The following CPNE8 variants were observed in gnomAD, a reference collection of about 807,000 sequenced individuals.
CPNE8 encodes the protein copine 8.
CPNE8 carries 45 observed loss-of-function variants against 81.5 expected under a neutral mutation model. The ratio of observed to expected loss-of-function variants is 0.55; its 90% CI spans 0.44 to 0.71. The LOEUF is 0.71. CPNE8 is among the 30% of genes least tolerant of loss of function. The probability of loss-of-function intolerance (pLI) is 0.00; values close to 1 mark genes in which losing one functional copy is unlikely to be tolerated. For missense variants in CPNE8, 594 were observed against 672.1 expected, an observed-to-expected ratio of 0.88 and a Z score of 1.28; for synonymous variants, 252 against 226.3, an observed-to-expected ratio of 1.11 and a Z score of -1.02.
At chr12:38,872,297 C>A (rs1944005466) in intron 3 of CPNE8, among the ~76,000 whole-genome samples, 1 of 152,126 alleles carries the variant, frequency 6.6e-6, no homozygotes, top group Non-Finnish European at 1.5e-5. Flanking sequence ...AAAATTGAGA[C>A]ACAGTGGTAA....
At chr12:38,786,933 C>A (rs930377639) in intron 6 of CPNE8, among the ~76,000 whole-genome samples, 1 of 152,132 alleles carries the variant, frequency 6.6e-6, no homozygotes, top group East Asian at 1.9e-4. Flanking sequence ...ATGCGCCCAA[C>A]ACTGAAGCAT....
chr12:38,681,659 C>T, intron 16 of CPNE8, among the ~76,000 whole-genome samples: 1 of 152,028 alleles, frequency 6.6e-6, no homozygotes, highest in Non-Finnish European at 1.5e-5. Context: ...AACTGGTTTC[C>T]CAGAAAAAAA....
intron 6 of CPNE8, among the ~76,000 whole-genome samples, chr12:38,806,173 C>G (rs922236051): frequency 2.7e-5 from 4 of 150,132 alleles, no homozygotes; most frequent in Non-Finnish European, 4.5e-5. Flanking sequence ...CTACCAGAGG[C>G]ATGAGGAGGA....
chr12:38,833,479 CT>C (rs543470951), intron 5 of CPNE8, among the ~76,000 whole-genome samples: 16 of 130,674 alleles, frequency 1.2e-4, no homozygotes, highest in African/African-American at 1.7e-4. Flanking sequence ...TGAAATTAAC[CT>C]TTTTTTTTTT....
At chr12:38,856,037 A>AT (rs1361105738) in intron 3 of CPNE8, among the ~76,000 whole-genome samples, 1 of 152,050 alleles carries the variant, frequency 6.6e-6, no homozygotes, top group Non-Finnish European at 1.5e-5. Flanking sequence ...TGGTACAGGA[A>AT]TAAAAATGAT....
chr12:38,678,660 A>C (rs553886382), intron 16 of CPNE8, among the ~76,000 whole-genome samples: 1 of 151,988 alleles, frequency 6.6e-6, no homozygotes, highest in Non-Finnish European at 1.5e-5. Context: ...TGAGTAGCAG[A>C]ATTTAAAAAC....
intron 1 of CPNE8, among the ~76,000 whole-genome samples, chr12:38,902,570 T>C (rs1435603967): frequency 6.6e-6 from 1 of 152,314 alleles, no homozygotes; most frequent in East Asian, 1.9e-4. Context: ...TGCCTGCCCA[T>C]AGCAAGGCTC....
chr12:38,758,267 T>C (rs1382512935), intron 10 of CPNE8, among the ~76,000 whole-genome samples: 2 of 152,074 alleles, frequency 1.3e-5, no homozygotes, highest in African/African-American at 4.8e-5. Context: ...TCTTTCAGAG[T>C]CTGTAATACT....
intron 3 of CPNE8, among the ~76,000 whole-genome samples, chr12:38,856,986 T>C (rs571781537): frequency 6.6e-6 from 1 of 152,182 alleles, no homozygotes; most frequent in East Asian, 1.9e-4. Context: ...ATATACAGCC[T>C]ATATATATTT....
At chr12:38,760,537 A>C (rs558321350) in intron 10 of CPNE8, among the ~76,000 whole-genome samples, 1 of 151,172 alleles carries the variant, frequency 6.6e-6, no homozygotes, top group South Asian at 2.1e-4. Flanking sequence ...ATGTCATAAA[A>C]ATGTTCAGAG....
upstream of CPNE8, chr12:38,906,168 C>A: frequency 5.1e-6 from 5 of 985,752 alleles, no homozygotes; most frequent in Non-Finnish European, 6.0e-6. Flanking sequence ...TTGGGAGATC[C>A]CTCCGTCCCT....
chr12:38,770,944 T>C (rs139044901), intron 7 of CPNE8, among the ~76,000 whole-genome samples: 1,655 of 152,262 alleles, frequency 0.011, 37 homozygotes, highest in African/African-American at 0.037. Context: ...ACCTGCATAG[T>C]CAGCCGACTA....
intron 16 of CPNE8, among the ~76,000 whole-genome samples, chr12:38,682,190 A>C (rs1243411003): frequency 6.6e-6 from 1 of 152,204 alleles, no homozygotes; most frequent in African/African-American, 2.4e-5. Flanking sequence ...ACTACACTCC[A>C]GCCTGAGTGA....
intron 5 of CPNE8, among the ~76,000 whole-genome samples, chr12:38,834,970 G>A (rs1285367162): frequency 6.6e-6 from 1 of 151,246 alleles, no homozygotes; most frequent in African/African-American, 2.4e-5. Context: ...CCGCCTCCCT[G>A]GTTCATCCCT....
chr12:38,791,296 T>TTTCTTC (rs141444985), intron 6 of CPNE8, among the ~76,000 whole-genome samples: 2 of 151,508 alleles, frequency 1.3e-5, no homozygotes, highest in African/African-American at 4.8e-5. Context: ...ATCTCAGGTA[T>TTTCTTC]TTCTTCTTCT....
At chr12:38,795,715 G>A (rs1942444259) in intron 6 of CPNE8, among the ~76,000 whole-genome samples, 2 of 152,134 alleles carry the variant, frequency 1.3e-5, no homozygotes, top group Non-Finnish European at 2.9e-5. Context: ...GCAGCTAGAG[G>A]GAAGAGGAAA....
chr12:38,890,928 A>T (rs1385461043), intron 1 of CPNE8, among the ~76,000 whole-genome samples: 1 of 148,960 alleles, frequency 6.7e-6, no homozygotes, highest in Admixed American at 6.7e-5. Flanking sequence ...TATATAAAAT[A>T]TTTTTTTTGA....
rs532514378 is a variant in CPNE8 at position 38,808,019 on chromosome 12, C to T, written c.407+21360G>A. ...ATGGAAAAATGCTCATCATCACTGG[C>T]CATCAGAGAAATGCAAATCAAAACC... On this transcript the variant is annotated intron_variant, in intron 6 of 19. Coordinates refer to ENST00000331366, the MANE Select transcript of CPNE8 (RefSeq NM_153634.3). Among the ~76,000 whole-genome samples, 89 of 152,052 alleles carry T rather than the reference C, an allele frequency of 5.9e-4. 1 individual carries two copies. In the South Asian group the frequency reaches 0.018, roughly 30 times the overall value.
chr12:38,766,147 C>T (rs888072759), intron 8 of CPNE8, among the ~76,000 whole-genome samples: 2 of 152,132 alleles, frequency 1.3e-5, no homozygotes, highest in African/African-American at 4.8e-5. Context: ...CGTGAGCCAC[C>T]GCGCCTGGCC....
Sources: gnomAD v4.1 joint callset for allele counts (sites outside exome capture counted in the v4.1 genomes callset) on GRCh38, gnomAD v4.1.1 for gene constraint, MANE v1.5 for transcripts, NCBI Gene and HGNC (gene_info 2026-07-23, HGNC 2026-07-21) for gene names.